The following GPRIN2 variants were observed in gnomAD, a reference collection of about 807,000 sequenced individuals.
The protein encoded by GPRIN2 is G protein regulated inducer of neurite outgrowth 2.
A neutral mutation model predicts 0.3 loss-of-function variants in GPRIN2; 1 was observed. That is an observed-to-expected ratio of 3.90 (90% CI 1.39 to 18.51). GPRIN2 has a LOEUF of 18.51. GPRIN2 is among the 30% of genes most tolerant of loss of function. The pLI is 0.11. For synonymous variants in GPRIN2, 361 were observed against 258.6 expected (o/e 1.40, Z -3.80); for missense variants, 880 against 604.2 (o/e 1.46, Z -4.79).
Position 46,550,235 on chromosome 10 carries a change from C to T in GPRIN2, c.502G>A (p.Ala168Thr). The T allele has an allele frequency of 6.2e-6, 10 of 1,607,360 alleles. No homozygotes were observed. Among genetic ancestry groups the T allele is most frequent in the Non-Finnish European group, 8.5e-6 (10 of 1,176,248 alleles). The change falls in exon 3 of 3, where the codon GCC becomes ACC. Residue 168 changes from alanine (A) to threonine (T), a missense_variant. Physicochemically the swap from Ala to Thr is moderately conservative, Grantham distance 58 (BLOSUM62 0). Coordinates refer to ENST00000374314, the MANE Select transcript of GPRIN2 (RefSeq NM_001385282.1). The part of the protein sequence containing the change: ...PGGTSGQGGQ[A>T]PAGLERDLAP... Reference sequence around the variant, plus strand: ...AGGTCCCTTTCCAGGCCTGCAGGGGCCTGGCCACCCTGGCCAGAAGTACCA... The same window carrying T: ...AGGTCCCTTTCCAGGCCTGCAGGGGTCTGGCCACCCTGGCCAGAAGTACCA...
intron 1 of GPRIN2, among the ~76,000 whole-genome samples, chr10:46,555,815 A>T (rs1843141406): frequency 6.6e-6 from 1 of 152,304 alleles, no homozygotes; most frequent in Admixed American, 6.5e-5. Context: ...CCCTATCTGC[A>T]CGCTCACAAG....
Position 46,550,172 on chromosome 10 carries a change from GCATCCAGGCTGAGTTAGAAGTCT to G in GPRIN2, c.542_564del (p.Glu181AlafsTer26). 6.3e-7 allele frequency: 1 copy of G among 1,598,686 alleles called. No individual in the cohort carries two copies. Among genetic ancestry groups the G allele is most frequent in the South Asian group, 1.1e-5 (1 of 89,336 alleles). ...GGCACTGACAACTGACTCGCCCCCA[GCATCCAGGCTGAGTTAGAAGTCT>G]CATCCTCAGGAGCCAGGTCCCTTTC... is the stretch of plus-strand genomic sequence containing the variant. On this transcript the variant is annotated frameshift_variant, in exon 3 of 3. Transcript: ENST00000374314. LOFTEE classifies it low-confidence loss of function (END_TRUNC).
chr10:46,548,985 A>T lies in GPRIN2; in HGVS notation c.*375T>A. The T allele has an allele frequency of 3.3e-6, 1 of 298,560 alleles. No homozygotes were observed. Among genetic ancestry groups the T allele is most frequent in the East Asian group, 6.0e-5 (1 of 16,670 alleles). 18.5% of individuals were successfully genotyped at this position (298,560 alleles called of 1,614,324 possible). Reference sequence around the variant, plus strand: ...TGTCGAGAATTCACTATTTCTCAGCACTGATTTCAAATAAAGCCACCAAGA... The same window carrying T: ...TGTCGAGAATTCACTATTTCTCAGCTCTGATTTCAAATAAAGCCACCAAGA... On this transcript the variant is annotated 3_prime_UTR_variant, in exon 3 of 3. Coordinates refer to ENST00000374314, the MANE Select transcript of GPRIN2 (RefSeq NM_001385282.1).
chr10:46,556,907 C>G (rs1447313750), upstream of GPRIN2, among the ~76,000 whole-genome samples: 2 of 152,416 alleles, frequency 1.3e-5, no homozygotes, highest in East Asian at 1.9e-4. Context: ...ACCCCCAAGA[C>G]TCCCACTTCC....
At chr10:46,551,973 T>A (rs1842666379) in intron 2 of GPRIN2, among the ~76,000 whole-genome samples, 1 of 152,312 alleles carries the variant, frequency 6.6e-6, no homozygotes, top group Admixed American at 6.5e-5. Context: ...TGATGTGTCG[T>A]CGGCACTCAG....
intron 2 of GPRIN2, among the ~76,000 whole-genome samples, chr10:46,552,596 G>A (rs1842738769): frequency 1.3e-5 from 2 of 152,312 alleles, no homozygotes; most frequent in South Asian, 4.1e-4. Context: ...TGTAGTCCCT[G>A]AGACTCCAGC....
rs1842365732 is a variant in GPRIN2, at chr10:46,548,415, C to T, written c.*945G>A. 6.6e-6 allele frequency among the ~76,000 whole-genome samples: 1 copy of T among 152,302 alleles called. No homozygotes were observed. The highest frequency in any genetic ancestry group is 1.5e-5 in the Non-Finnish European group (1 of 68,052). Reference sequence around the variant, plus strand: ...TCCCTCCTTCCACAAACTGCACCAGCTGGGGAGAAATCCTTCAGCCGACAG... The same window carrying T: ...TCCCTCCTTCCACAAACTGCACCAGTTGGGGAGAAATCCTTCAGCCGACAG... On this transcript the variant is annotated 3_prime_UTR_variant, in exon 3 of 3. Transcript: ENST00000374314.
chr10:46,556,619 C>T lies in GPRIN2; in HGVS notation c.-239G>A, dbSNP rs1233087572. Among the ~76,000 whole-genome samples the T allele has an allele frequency of 6.6e-6, 1 of 151,932 alleles. No individual in the cohort carries two copies. The highest frequency in any genetic ancestry group is 2.4e-5 in the African/African-American group (1 of 41,428). On this transcript the variant is annotated 5_prime_UTR_variant, in exon 1 of 3. Transcript: ENST00000374314. ...CCTGGCCTGGGCGCGAGACGCCGCC[C>T]GCCGCCGTCGGCCCGGCCCGCGGAG... is the stretch of plus-strand genomic sequence containing the variant.
chr10:46,551,823 C>T (rs1842645705), intron 2 of GPRIN2, among the ~76,000 whole-genome samples: 1 of 152,310 alleles, frequency 6.6e-6, no homozygotes, highest in Non-Finnish European at 1.5e-5. Flanking sequence ...ACCCTCCAGC[C>T]AGGCAGCCTT....
At position 46,553,517 on chromosome 10, in the gene GPRIN2, C is replaced by T. The variant is rs1832041029; in HGVS notation, c.-7+1068G>A. ...CCCTCCCAGGGAGGGGGGCCATAAA[C>T]AGCCAGGCCAGCAGCCTCTGGCCCC... On this transcript the variant is annotated intron_variant, in intron 2 of 2. Coordinates refer to ENST00000374314, the MANE Select transcript of GPRIN2 (RefSeq NM_001385282.1). 4.1e-4 allele frequency among the ~76,000 whole-genome samples: 62 copies of T among 152,364 alleles called. No homozygotes were observed. In the East Asian group the frequency reaches 0.01, roughly 25 times the overall value.
Position 46,549,703 on chromosome 10 carries a change from C to G in GPRIN2, c.1034G>C (p.Cys345Ser). The change falls in exon 3 of 3, where the codon TGC becomes TCC. Residue 345 changes from cysteine to serine, a missense_variant. Physicochemically the swap from Cys to Ser is moderately radical, Grantham distance 112 (BLOSUM62 -1). Transcript: ENST00000374314. The stretch of plus-strand genomic sequence containing the variant: ...GGACGGACTGGTGGCCACAGCCTTG[C>G]AGGCCGCCACTGGGGCCGCCTGCAC... Reference protein sequence around the residue: ...AGVQAAPVAACKAVATSPSLE... With the variant: ...AGVQAAPVAASKAVATSPSLE... The G allele has an allele frequency of 6.2e-7, 1 of 1,613,876 alleles. No homozygotes were observed. The highest frequency in any genetic ancestry group is 1.1e-5 in the South Asian group (1 of 91,078).
rs1841898134 is a variant in GPRIN2, at chr10:46,543,421, T to C, written c.*5939A>G. ...AAAAGAAGAACAGATTAAAGAGAAA[T>C]GGGGGATGGGGATGACAGAGCACCC... On this transcript the variant is annotated 3_prime_UTR_variant, in exon 3 of 3. Transcript: ENST00000374314. Among the ~76,000 whole-genome samples, 1 of 152,290 alleles carries C rather than the reference T, an allele frequency of 6.6e-6. No individual in the cohort carries two copies. Among genetic ancestry groups the C allele is most frequent in the Non-Finnish European group, 1.5e-5 (1 of 68,056 alleles).
rs1316728961 is a variant in GPRIN2, at chr10:46,550,454, C to T, written c.283G>A (p.Val95Met). ...SAGGHWWSST[V>M]GNVSTMGGSD... ...CCGCCCATGGTGGACACATTGCCCA[C>T]AGTGCTGCTCCACCAGTGGCCTCCA... The change falls in exon 3 of 3, where the codon GTG becomes ATG. Residue 95 changes from valine to methionine, a missense_variant. Val to Met is a conservative substitution (Grantham distance 21). Transcript: ENST00000374314. 1.9e-6 allele frequency: 3 copies of T among 1,611,716 alleles called. No homozygotes were observed. The highest frequency in any genetic ancestry group is 2.7e-5 in the African/African-American group (2 of 75,076).
At chr10:46,554,488 G>A (rs1842955789) in intron 2 of GPRIN2, 97 bp downstream of exon 2, 1 of 152,958 alleles carries the variant, frequency 6.5e-6, no homozygotes, top group Non-Finnish European at 1.5e-5. Context: ...GAAGGTTCTG[G>A]TTTTGCCCTA....
Position 46,547,425 on chromosome 10 carries a change from CT to C in GPRIN2, c.*1934del, listed in dbSNP as rs1832850787. ...ATCAGGATCTTCACAATGGGGACCC[CT>C]GGTCACCTCCCAACCCAACAAACGC... On this transcript the variant is annotated 3_prime_UTR_variant, in exon 3 of 3. Coordinates refer to ENST00000374314, the MANE Select transcript of GPRIN2 (RefSeq NM_001385282.1). Among the ~76,000 whole-genome samples the C allele has an allele frequency of 1.3e-5, 2 of 152,306 alleles. No individual in the cohort carries two copies. The highest frequency in any genetic ancestry group is 2.4e-5 in the African/African-American group (1 of 41,486).
chr10:46,549,274 C>G lies in GPRIN2; in HGVS notation c.*86G>C, dbSNP rs1466800969. 1.4e-6 allele frequency: 2 copies of G among 1,427,244 alleles called. No individual in the cohort carries two copies. Among genetic ancestry groups the G allele is most frequent in the Non-Finnish European group, 1.8e-6 (2 of 1,084,480 alleles). The allele number at this position is 1,427,244 out of a possible 1,614,324, so 88.4% of individuals were successfully genotyped here. A position where few individuals can be genotyped will look rare whatever the true frequency, so the allele number is the denominator to read the frequency against. Reference sequence around the variant, plus strand: ...GAGATGTGCCCAGCTGCCGGTGGGTCCAGGGGGCACGGAGCCCCCACCGTC... The same window carrying G: ...GAGATGTGCCCAGCTGCCGGTGGGTGCAGGGGGCACGGAGCCCCCACCGTC... On this transcript the variant is annotated 3_prime_UTR_variant, in exon 3 of 3. Coordinates refer to ENST00000374314, the MANE Select transcript of GPRIN2 (RefSeq NM_001385282.1).
Position 46,544,482 on chromosome 10 carries a change from C to T in GPRIN2, c.*4878G>A, listed in dbSNP as rs1841989691. Among the ~76,000 whole-genome samples the T allele has an allele frequency of 6.6e-6, 1 of 152,312 alleles. No homozygotes were observed. Among genetic ancestry groups the T allele is most frequent in the African/African-American group, 2.4e-5 (1 of 41,488 alleles). On this transcript the variant is annotated 3_prime_UTR_variant, in exon 3 of 3. Coordinates refer to ENST00000374314, the MANE Select transcript of GPRIN2 (RefSeq NM_001385282.1). The stretch of plus-strand genomic sequence containing the variant: ...GAGGCTACAGATGCACACCACCATG[C>T]CCAGCTAATTTTTGTATTTTTTGTA...
At position 46,550,075 on chromosome 10, in the gene GPRIN2, A is replaced by C; in HGVS notation, c.662T>G (p.Leu221Arg). 1 of 1,613,636 alleles carries C rather than the reference A, an allele frequency of 6.2e-7. No homozygotes were observed. Among genetic ancestry groups the C allele is most frequent in the Non-Finnish European group, 8.5e-7 (1 of 1,179,956 alleles). The change falls in exon 3 of 3, where the codon CTG (leucine) becomes CGG (arginine). Residue 221 changes from leucine (L) to arginine (R), a missense_variant. Coordinates refer to ENST00000374314, the MANE Select transcript of GPRIN2 (RefSeq NM_001385282.1). ...AQAEPKAAEQ[L>R]ATTTCHALPP... is the part of the protein sequence containing the mutation. ...CAGAGCATGGCAGGTGGTGGTAGCC[A>C]GCTGTTCAGCAGCTTTGGGCTCAGC...
rs1843272263 is a variant in GPRIN2 at position 46,556,651 on chromosome 10, C to G, written c.-271G>C. Among the ~76,000 whole-genome samples the G allele has an allele frequency of 6.6e-6, 1 of 152,144 alleles. No homozygotes were observed. The highest frequency in any genetic ancestry group is 6.5e-5 in the Admixed American group (1 of 15,286). On this transcript the variant is annotated 5_prime_UTR_variant, in exon 1 of 3. Transcript: ENST00000374314. ...GTCGGCCCGGCCCGCGGAGCAAGCGCCGGGTACAGGGAGGGGCCAGCGGGG... is the reference window on the plus strand; with the variant it reads ...GTCGGCCCGGCCCGCGGAGCAAGCGGCGGGTACAGGGAGGGGCCAGCGGGG...
Sources: allele counts gnomAD v4.1 joint callset (sites outside exome capture counted in the v4.1 genomes callset), GRCh38; gene constraint gnomAD v4.1.1; transcripts MANE v1.5; gene names NCBI Gene and HGNC (gene_info 2026-07-23, HGNC 2026-07-21).